Variants in DTNB observed in about 807,000 individuals in gnomAD.
The protein encoded by DTNB is DTN-B.
DTNB carries 63 observed loss-of-function variants against 90.7 expected under a neutral mutation model. The ratio of observed to expected loss-of-function variants is 0.69; its 90% CI spans 0.57 to 0.86. The LOEUF (loss-of-function observed/expected upper bound fraction) is 0.86. DTNB is among the 40% of genes least tolerant of loss of function. The probability of loss-of-function intolerance (pLI) is 0.00; values close to 1 mark genes in which losing one functional copy is unlikely to be tolerated. For missense variants in DTNB, 744 were observed against 807.1 expected (o/e 0.92, Z 0.95); for synonymous variants, 277 against 286.7 (o/e 0.97, Z 0.34).
intron 9 of DTNB, among the ~76,000 whole-genome samples, chr2:25,514,055 G>C (rs965819353): frequency 6.6e-6 from 1 of 150,858 alleles, no homozygotes; most frequent in Non-Finnish European, 1.5e-5. Context: ...ATAGGGTAGA[G>C]ATTATAAACA....
intron 12 of DTNB, among the ~76,000 whole-genome samples, chr2:25,440,025 C>G (rs776840999): frequency 6.6e-6 from 1 of 152,132 alleles, no homozygotes; most frequent in Non-Finnish European, 1.5e-5. Context: ...TATGTTCACA[C>G]CACTAAAACT....
intron 9 of DTNB, 106 bp downstream of exon 9, chr2:25,531,367 G>T: frequency 6.8e-7 from 1 of 1,472,378 alleles, no homozygotes; most frequent in Non-Finnish European, 9.0e-7. Context: ...GTAAAAACCT[G>T]AGAAGTTGAA....
chr2:25,504,684 G>C (rs1197941168), intron 9 of DTNB, among the ~76,000 whole-genome samples: 1 of 152,178 alleles, frequency 6.6e-6, no homozygotes, highest in African/African-American at 2.4e-5. Context: ...TGTGAAGCTT[G>C]TATACTGAAA....
At position 25,643,687 on chromosome 2, in the gene DTNB, C is replaced by G. The variant is rs575138572; in HGVS notation, c.68-4593G>C. On this transcript the variant is annotated intron_variant, in intron 2 of 20. Transcript: ENST00000406818. ...TGCTTTTAGTATTATTCAAGTAGGG[C>G]AGAGGACTCCACACTGCGTTCCAGG... Among the ~76,000 whole-genome samples, 9 of 152,260 alleles carry G rather than the reference C, an allele frequency of 5.9e-5. No individual in the cohort carries two copies. The South Asian group carries it at 1.9e-3, about 32-fold the overall frequency.
At chr2:25,404,364 G>A (rs1179839323) in intron 16 of DTNB, among the ~76,000 whole-genome samples, 2 of 152,182 alleles carry the variant, frequency 1.3e-5, no homozygotes, top group Admixed American at 1.3e-4. Flanking sequence ...ATGGGCAGAA[G>A]AGGCTTGGGA....
intron 15 of DTNB, chr2:25,421,301 A>T (rs2049605745): frequency 6.6e-6 from 1 of 152,186 alleles, no homozygotes; most frequent in Non-Finnish European, 1.5e-5. Context: ...GGCACCGAGA[A>T]ATCTCTTAAG....
At chr2:25,577,116 A>T (rs2060804516) in intron 7 of DTNB, 112 bp from the exon 8 acceptor site, 1 of 1,187,930 alleles carries the variant, frequency 8.4e-7, no homozygotes, top group African/African-American at 1.6e-5. Context: ...GAGGAATACC[A>T]AAACTAATAT....
intron 10 of DTNB, among the ~76,000 whole-genome samples, chr2:25,479,213 GC>G (rs1455166736): frequency 6.6e-6 from 1 of 152,122 alleles, no homozygotes; most frequent in African/African-American, 2.4e-5. Context: ...CATAAACACA[GC>G]TAAAGCTTTA....
At chr2:25,390,024 C>T (rs1174836331) in intron 16 of DTNB, among the ~76,000 whole-genome samples, 3 of 152,044 alleles carry the variant, frequency 2.0e-5, no homozygotes, top group Admixed American at 6.5e-5. Flanking sequence ...TATTTTTGTC[C>T]ACCAGTTCTT....
chr2:25,514,308 C>T (rs898571752), intron 9 of DTNB, among the ~76,000 whole-genome samples: 7 of 152,062 alleles, frequency 4.6e-5, no homozygotes, highest in African/African-American at 1.7e-4. Flanking sequence ...CTGAGGTGGA[C>T]GCACACTTGG....
intron 6 of DTNB, among the ~76,000 whole-genome samples, chr2:25,588,521 C>G (rs956660027): frequency 6.6e-6 from 1 of 152,254 alleles, no homozygotes; most frequent in East Asian, 1.9e-4. Context: ...GCACGCACCA[C>G]GCGCAGCTAA....
At chr2:25,581,859 A>G (rs1368513676) in intron 6 of DTNB, among the ~76,000 whole-genome samples, 1 of 152,264 alleles carries the variant, frequency 6.6e-6, no homozygotes, top group African/African-American at 2.4e-5. Flanking sequence ...CCAAAAGAAG[A>G]GCCCAGACAA....
At chr2:25,657,349 G>C (rs555286873) in intron 1 of DTNB, among the ~76,000 whole-genome samples, 80 of 152,240 alleles carry the variant, frequency 5.3e-4, no homozygotes, top group African/African-American at 1.9e-3. Context: ...ACTATTAAGT[G>C]AATGAAAAGA....
At chr2:25,578,126 C>T (rs1249763403) in intron 7 of DTNB, among the ~76,000 whole-genome samples, 1 of 152,092 alleles carries the variant, frequency 6.6e-6, no homozygotes, top group African/African-American at 2.4e-5. Flanking sequence ...TCTAGACTTG[C>T]TTCCAAAAAT....
At chr2:25,412,590 T>C (rs917303882) in intron 16 of DTNB, among the ~76,000 whole-genome samples, 1 of 152,200 alleles carries the variant, frequency 6.6e-6, no homozygotes, top group South Asian at 2.1e-4. Context: ...ATTAAACATA[T>C]ATAAAGTCTT....
intron 10 of DTNB, among the ~76,000 whole-genome samples, chr2:25,476,711 A>G (rs2150345131): frequency 6.6e-6 from 1 of 152,372 alleles, no homozygotes; most frequent in East Asian, 1.9e-4. Flanking sequence ...ATCTCATAAT[A>G]AAACTTGAAA....
Position 25,432,886 on chromosome 2 carries a change from C to T in DTNB, c.1457G>A (p.Arg486Lys), listed in dbSNP as rs1170143292. The part of the protein sequence containing the change: ...PTLLAELRLL[R>K]QRKDELEQRM... ...CAAGTGGTAGAGTGTCCCTACTCAC[C>T]TCAGCAGCCGCAGCTCTGCCAGCAG... Residue 486 changes from arginine to lysine, a missense_variant and splice_region_variant, in exon 14 of 21, where the codon AGG becomes AAG. Arg to Lys is a conservative substitution (Grantham distance 26). Coordinates refer to ENST00000406818, the MANE Select transcript of DTNB (RefSeq NM_021907.5). The T allele has an allele frequency of 2.5e-6, 4 of 1,596,326 alleles. No individual in the cohort carries two copies. Among genetic ancestry groups the T allele is most frequent in the Non-Finnish European group, 3.4e-6 (4 of 1,172,330 alleles).
intron 12 of DTNB, among the ~76,000 whole-genome samples, chr2:25,442,732 C>A (rs941101674): frequency 2.0e-5 from 3 of 152,234 alleles, no homozygotes; most frequent in Non-Finnish European, 2.9e-5. Flanking sequence ...AAGGGTACCA[C>A]ATTCACAACT....
intron 8 of DTNB, among the ~76,000 whole-genome samples, chr2:25,565,213 A>T (rs2058837721): frequency 6.6e-6 from 1 of 152,018 alleles, no homozygotes; most frequent in Non-Finnish European, 1.5e-5. Flanking sequence ...TCAGTCTTTC[A>T]CTATTAAGTA....
Sources: gnomAD v4.1 joint callset for allele counts (sites outside exome capture counted in the v4.1 genomes callset) on GRCh38, gnomAD v4.1.1 for gene constraint, MANE v1.5 for transcripts, NCBI Gene and HGNC (gene_info 2026-07-23, HGNC 2026-07-21) for gene names.